Variants in SALL3 observed in about 807,000 individuals in gnomAD.
The protein encoded by SALL3 is spalt like transcription factor 3.
Under a neutral mutation model 66.2 loss-of-function variants are expected in SALL3, and 25 were observed. The ratio of observed to expected loss-of-function variants is 0.38; its 90% CI spans 0.28 to 0.53. The LOEUF is 0.53. SALL3 is among the 20% of genes least tolerant of loss of function. The probability of loss-of-function intolerance (pLI) is 0.85; values close to 1 mark genes in which losing one functional copy is unlikely to be tolerated. For missense variants in SALL3, 2,194 were observed against 1,916.5 expected, an observed-to-expected ratio of 1.14 and a Z score of -2.70; for synonymous variants, 1,152 against 899.1, an observed-to-expected ratio of 1.28 and a Z score of -5.03.
chr18:78,980,401 C>G, intron 1 of SALL3, 45 bp downstream of exon 1: 1 of 1,240,020 alleles, frequency 8.1e-7, no homozygotes, highest in Non-Finnish European at 1.0e-6. Context: ...TGGGGCTGCC[C>G]GTCCGGGCTG....
At chr18:78,996,725 G>A (rs1340654065) in intron 2 of SALL3, among the ~76,000 whole-genome samples, 166 bp from the exon 3 acceptor site, 1 of 152,250 alleles carries the variant, frequency 6.6e-6, no homozygotes, top group Non-Finnish European at 1.5e-5. Context: ...AAAACAAGAT[G>A]TTTGCATGTA....
rs185832780 is a variant in SALL3, at chr18:78,997,678, G to T, written c.*356G>T. On this transcript the variant is annotated 3_prime_UTR_variant, in exon 3 of 3. Transcript: ENST00000537592. ...TGCGGTATTCCAGTGAAACTCATTT[G>T]ATGGTTTCTTTTGAATTAGTTAGAC... is the stretch of plus-strand genomic sequence containing the variant. 421 of 282,998 alleles carry T rather than the reference G, an allele frequency of 1.5e-3. 4 individuals carry two copies. Among genetic ancestry groups the T allele is most frequent in the African/African-American group, 8.4e-3 (390 of 46,612 alleles). The allele number at this position is 282,998 out of a possible 1,614,324, so 17.5% of individuals were successfully genotyped here.
In SALL3 at chr18:78,998,667, C is replaced by T. The variant is rs541413076; in HGVS notation, c.*1345C>T. The T allele has an allele frequency of 6.6e-6, 1 of 152,364 alleles. No individual in the cohort carries two copies. Among genetic ancestry groups the T allele is most frequent in the South Asian group, 2.1e-4 (1 of 4,830 alleles). 9.4% of individuals were successfully genotyped at this position (152,364 alleles called of 1,614,324 possible). On this transcript the variant is annotated 3_prime_UTR_variant, in exon 3 of 3. Coordinates refer to ENST00000537592, the MANE Select transcript of SALL3 (RefSeq NM_171999.4). Reference sequence around the variant, plus strand: ...AGACAAGATTGTGGCTGCCTGGTGGCACTGGTCACATGTACAGTAAACCCA... The same window carrying T: ...AGACAAGATTGTGGCTGCCTGGTGGTACTGGTCACATGTACAGTAAACCCA...
Position 78,992,590 on chromosome 18 carries a change from C to T in SALL3, c.599C>T (p.Ala200Val). The change falls in exon 2 of 3, where the codon GCA (alanine) becomes GTA (valine). Residue 200 changes from alanine to valine, a missense_variant. Coordinates refer to ENST00000537592, the MANE Select transcript of SALL3 (RefSeq NM_171999.4). ...GSGAGGGVAA[A>V]AVPLILEQLM... The stretch of plus-strand genomic sequence containing the variant: ...GGAGCAGGTGGAGGCGTGGCAGCTG[C>T]AGCCGTGCCCCTGATCCTGGAACAG... 6.6e-7 allele frequency: 1 copy of T among 1,515,340 alleles called. No homozygotes were observed. Among genetic ancestry groups the T allele is most frequent in the Non-Finnish European group, 8.8e-7 (1 of 1,139,638 alleles). The allele number at this position is 1,515,340 out of a possible 1,614,324, so 93.9% of individuals were successfully genotyped here. A position where few individuals can be genotyped will look rare whatever the true frequency, so the allele number is the denominator to read the frequency against.
chr18:78,994,637 C>T lies in SALL3; in HGVS notation c.2646C>T (p.Ala882=), dbSNP rs936883345. The change falls in exon 2 of 3, where the codon GCC becomes GCT. Residue 882 remains alanine (A), a synonymous_variant. Coordinates refer to ENST00000537592, the MANE Select transcript of SALL3 (RefSeq NM_171999.4). Reference sequence around the variant, plus strand: ...GCCTGAGCAACGACTCCTCGTCGGCCGTGGGCGACCTGGAGAGCCGCAGCG... The same window carrying T: ...GCCTGAGCAACGACTCCTCGTCGGCTGTGGGCGACCTGGAGAGCCGCAGCG... ...SDRLSNDSSS[A]VGDLESRSAG... The T allele has an allele frequency of 1.1e-5, 17 of 1,609,020 alleles. No individual in the cohort carries two copies. In the Admixed American group the frequency reaches 1.5e-4, roughly 14 times the overall value.
Position 78,994,330 on chromosome 18 carries a change from A to T in SALL3, c.2339A>T (p.Asp780Val), listed in dbSNP as rs1273025587. The change falls in exon 2 of 3, where the codon GAC becomes GTC. Residue 780 changes from aspartate to valine, a missense_variant. Transcript: ENST00000537592. ...PLPEGFQDAM[D>V]SELAYDDKNA... Reference sequence around the variant, plus strand: ...CCGGAGGGCTTCCAGGATGCCATGGACTCCGAGCTGGCCTACGACGACAAG... The same window carrying T: ...CCGGAGGGCTTCCAGGATGCCATGGTCTCCGAGCTGGCCTACGACGACAAG... 2 of 1,613,538 alleles carry T rather than the reference A, an allele frequency of 1.2e-6. No homozygotes were observed. Among genetic ancestry groups the T allele is most frequent in the Non-Finnish European group, 1.7e-6 (2 of 1,180,012 alleles).
In SALL3 at chr18:78,997,868, A is replaced by G. The variant is rs1397215001; in HGVS notation, c.*546A>G. ...ACCTTAAACGAAGCTTTTGTACTGC[A>G]GAATACATCTGGCTGTGTGATTTTT... On this transcript the variant is annotated 3_prime_UTR_variant, in exon 3 of 3. Transcript: ENST00000537592. 1 of 145,798 alleles carries G rather than the reference A, an allele frequency of 6.9e-6. No individual in the cohort carries two copies. The highest frequency in any genetic ancestry group is 2.5e-5 in the African/African-American group (1 of 40,154). The allele number at this position is 145,798 out of a possible 1,614,324, so 9.0% of individuals were successfully genotyped here. A position where few individuals can be genotyped will look rare whatever the true frequency, so the allele number is the denominator to read the frequency against.
chr18:78,994,131 C>T lies in SALL3; in HGVS notation c.2140C>T (p.Arg714Cys). 3.7e-6 allele frequency: 6 copies of T among 1,612,922 alleles called. No individual in the cohort carries two copies. Among genetic ancestry groups the T allele is most frequent in the South Asian group, 2.2e-5 (2 of 91,074 alleles). Residue 714 changes from arginine to cysteine, a missense_variant, in exon 2 of 3, where the codon CGC (arginine) becomes TGC (cysteine). Physicochemically the swap from Arg to Cys is radical, Grantham distance 180. Transcript: ENST00000537592. ...ERPFKCKICG[R>C]AFTTKGNLKT... ...GCCGTTCAAGTGCAAGATCTGCGGCCGCGCCTTCACCACCAAGGGCAACCT... is the reference window on the plus strand; with the variant it reads ...GCCGTTCAAGTGCAAGATCTGCGGCTGCGCCTTCACCACCAAGGGCAACCT...
chr18:78,981,661 CTG>C (rs2146205786), intron 1 of SALL3, among the ~76,000 whole-genome samples: 1 of 152,270 alleles, frequency 6.6e-6, no homozygotes, highest in Admixed American at 6.5e-5. Context: ...GGAGTCTTAT[CTG>C]TGTAGCCAAG....
intron 1 of SALL3, among the ~76,000 whole-genome samples, chr18:78,987,366 T>C (rs1037555610): frequency 3.8e-4 from 58 of 152,224 alleles, no homozygotes; most frequent in African/African-American, 1.3e-3. Flanking sequence ...ATTCTGTGTA[T>C]ATTTTATTAG....
At position 78,998,283 on chromosome 18, in the gene SALL3, T is replaced by C. The variant is rs1914767445; in HGVS notation, c.*961T>C. On this transcript the variant is annotated 3_prime_UTR_variant, in exon 3 of 3. Transcript: ENST00000537592. ...TGTATTAGGGAGGTTTGTCTATAAT[T>C]TGAAAATTTAAAAAAATGTAAAGTA... 1 of 151,772 alleles carries C rather than the reference T, an allele frequency of 6.6e-6. No individual in the cohort carries two copies. The highest frequency in any genetic ancestry group is 6.5e-5 in the Admixed American group (1 of 15,282). The allele number at this position is 151,772 out of a possible 1,614,324, so 9.4% of individuals were successfully genotyped here.
In SALL3 at chr18:78,992,581, T is replaced by C; in HGVS notation, c.590T>C (p.Val197Ala). ...GGCGGCTCGGGAGCAGGTGGAGGCG[T>C]GGCAGCTGCAGCCGTGCCCCTGATC... ...AAGGSGAGGG[V>A]AAAAVPLILE... The change falls in exon 2 of 3, where the codon GTG becomes GCG. Residue 197 changes from valine to alanine, a missense_variant. Transcript: ENST00000537592. The C allele has an allele frequency of 6.6e-7, 1 of 1,507,214 alleles. No individual in the cohort carries two copies. Among genetic ancestry groups the C allele is most frequent in the Non-Finnish European group, 8.8e-7 (1 of 1,135,628 alleles). The allele number at this position is 1,507,214 out of a possible 1,614,324, so 93.4% of individuals were successfully genotyped here.
In SALL3 at chr18:78,997,334, C is replaced by T; in HGVS notation, c.*12C>T. ...TTGGTATCAACTAGCCAGTGACTCG[C>T]TCATCTGCCCTGCCCAGGCCCACGT... On this transcript the variant is annotated 3_prime_UTR_variant, in exon 3 of 3. Coordinates refer to ENST00000537592, the MANE Select transcript of SALL3 (RefSeq NM_171999.4). 1 of 1,606,732 alleles carries T rather than the reference C, an allele frequency of 6.2e-7. No individual in the cohort carries two copies. Among genetic ancestry groups the T allele is most frequent in the Non-Finnish European group, 8.5e-7 (1 of 1,175,340 alleles).
chr18:78,993,417 C>A lies in SALL3; in HGVS notation c.1426C>A (p.His476Asn), dbSNP rs1197649664. Reference protein sequence around the residue: ...HFQRHKEKYPHIQMNPYPVPE... With the variant: ...HFQRHKEKYPNIQMNPYPVPE... ...CCAGAGGCACAAGGAGAAGTACCCC[C>A]ACATCCAGATGAACCCTTACCCGGT... The change falls in exon 2 of 3, where the codon CAC (histidine) becomes AAC (asparagine). Residue 476 changes from histidine to asparagine, a missense_variant. His to Asn is a moderately conservative substitution (Grantham distance 68). Transcript: ENST00000537592. 2 of 1,612,870 alleles carry A rather than the reference C, an allele frequency of 1.2e-6. No homozygotes were observed. The highest frequency in any genetic ancestry group is 2.7e-5 in the African/African-American group (2 of 74,918).
Position 78,993,738 on chromosome 18 carries a change from T to C in SALL3, c.1747T>C (p.Ser583Pro), listed in dbSNP as rs1218599394. ...VESGVSATAESPQSLLGGPPL... is the reference protein window; with the variant it reads ...VESGVSATAEPPQSLLGGPPL... ...GTCCGGCGTGTCGGCCACCGCCGAG[T>C]CCCCACAGTCGCTCCTCGGCGGGCC... Residue 583 changes from serine (S) to proline (P), a missense_variant, in exon 2 of 3, where the codon TCC becomes CCC. Physicochemically the swap from Ser to Pro is moderately conservative, Grantham distance 74 (BLOSUM62 -1). Transcript: ENST00000537592. The C allele has an allele frequency of 1.3e-6, 2 of 1,549,646 alleles. No individual in the cohort carries two copies. Among genetic ancestry groups the C allele is most frequent in the Admixed American group, 1.9e-5 (1 of 52,844 alleles).
intron 1 of SALL3, among the ~76,000 whole-genome samples, chr18:78,980,564 G>T (rs1253117846): frequency 1.3e-5 from 2 of 151,834 alleles, no homozygotes; most frequent in Non-Finnish European, 2.9e-5. Context: ...AGTTGTGGGC[G>T]AAGTAAACTT....
chr18:78,996,339 A>G (rs1473933995), intron 2 of SALL3, among the ~76,000 whole-genome samples: 1 of 152,258 alleles, frequency 6.6e-6, no homozygotes, highest in Non-Finnish European at 1.5e-5. Flanking sequence ...CAGCCTCTTC[A>G]GACAGCCCAA....
chr18:78,981,267 G>T (rs1263555824), intron 1 of SALL3, among the ~76,000 whole-genome samples: 3 of 152,162 alleles, frequency 2.0e-5, no homozygotes, highest in African/African-American at 7.2e-5. Context: ...GGCCGGCGGC[G>T]CCCGGGCTTC....
At position 78,997,125 on chromosome 18, in the gene SALL3, G is replaced by A. The variant is rs201141943; in HGVS notation, c.3706G>A (p.Gly1236Ser). Reference protein sequence around the residue: ...KNNEISVIQNGGIPQLPVSLG... With the variant: ...KNNEISVIQNSGIPQLPVSLG... ...CAACGAGATCTCCGTCATCCAGAAC[G>A]GCGGCATCCCCCAGCTCCCCGTGAG... The change falls in exon 3 of 3, where the codon GGC (glycine) becomes AGC (serine). Residue 1236 changes from glycine (G) to serine (S), a missense_variant. Physicochemically the swap from Gly to Ser is moderately conservative, Grantham distance 56. Coordinates refer to ENST00000537592, the MANE Select transcript of SALL3 (RefSeq NM_171999.4). 1.9e-5 allele frequency: 31 copies of A among 1,613,970 alleles called. No individual in the cohort carries two copies. Among genetic ancestry groups the A allele is most frequent in the East Asian group, 8.9e-5 (4 of 44,892 alleles).
Sources: allele counts gnomAD v4.1 joint callset (sites outside exome capture counted in the v4.1 genomes callset), GRCh38; gene constraint gnomAD v4.1.1; transcripts MANE v1.5; gene names NCBI Gene and HGNC (gene_info 2026-07-23, HGNC 2026-07-21).